Variants in PCIF1 observed in about 807,000 individuals in gnomAD.
PCIF1 encodes phosphorylated CTD interacting factor 1.
In PCIF1, 12 loss-of-function variants were observed where a neutral mutation model predicts 86.9. The observed-to-expected ratio is 0.14, with a 90% CI of 0.09 to 0.22. The LOEUF is 0.22. PCIF1 is among the 10% of genes least tolerant of loss of function. The probability of loss-of-function intolerance (pLI) is 1.00; values close to 1 mark genes in which losing one functional copy is unlikely to be tolerated. For missense variants in PCIF1, 701 were observed against 951.1 expected (o/e 0.74, Z 3.46); for synonymous variants, 397 against 372.0 (o/e 1.07, Z -0.77).
In PCIF1 at chr20:45,946,217, C is replaced by T; in HGVS notation, c.1446C>T (p.Gly482=). 6.2e-7 allele frequency: 1 copy of T among 1,614,214 alleles called. No homozygotes were observed. The highest frequency in any genetic ancestry group is 8.5e-7 in the Non-Finnish European group (1 of 1,180,040). The change falls in exon 14 of 17, where the codon GGC becomes GGT. Residue 482 remains glycine, a synonymous_variant. Transcript: ENST00000372409. ...LRRYQMMFGV[G]LYEGTGLQGS... ...CTCCGCAGATGATGTTCGGCGTGGG[C>T]CTCTACGAGGGGACTGGCCTGCAGG...
In PCIF1 at chr20:45,944,887, G is replaced by A. The variant is rs1038747056; in HGVS notation, c.1025G>A (p.Arg342Gln). The change falls in exon 11 of 17, where the codon CGG (arginine) becomes CAG (glutamine). Residue 342 changes from arginine to glutamine, a missense_variant. Physicochemically the swap from Arg to Gln is conservative, Grantham distance 43. Coordinates refer to ENST00000372409, the MANE Select transcript of PCIF1 (RefSeq NM_022104.4). ...CTCTAGGATCGCCTGGAGCATCTGC[G>A]GAGGCAGTGTGGCCCCCACGTCTCG... Reference protein sequence around the residue: ...EDYMDRLEHLRRQCGPHVSAA... With the variant: ...EDYMDRLEHLQRQCGPHVSAA... The A allele has an allele frequency of 3.7e-6, 6 of 1,613,826 alleles. No individual in the cohort carries two copies. Among genetic ancestry groups the A allele is most frequent in the Non-Finnish European group, 5.1e-6 (6 of 1,179,876 alleles).
intron 1 of PCIF1, among the ~76,000 whole-genome samples, chr20:45,936,558 TCAC>T (rs2083428473): frequency 6.6e-6 from 1 of 151,888 alleles, no homozygotes. Flanking sequence ...TGATCATACT[TCAC>T]TGCAGCCTCG....
Position 45,943,599 on chromosome 20 carries a change from C to T in PCIF1, c.906-67C>T. ...GCTAGGGGTTGATACCCAGCGAGCC[C>T]ATGGAATTGGGATGAGGAGGGTGGA... On this transcript the variant is annotated intron_variant, in intron 9 of 16. Transcript: ENST00000372409. This position sits in a 1 kb window ranked among gnomAD's most constrained non-coding sequence, Gnocchi z 5.5. 1 of 1,464,084 alleles carries T rather than the reference C, an allele frequency of 6.8e-7. No homozygotes were observed. The highest frequency in any genetic ancestry group is 9.3e-7 in the Non-Finnish European group (1 of 1,069,544). 90.7% of individuals were successfully genotyped at this position (1,464,084 alleles called of 1,614,324 possible).
intron 1 of PCIF1, among the ~76,000 whole-genome samples, chr20:45,935,079 C>T (rs1277537502): frequency 1.3e-5 from 2 of 151,672 alleles, no homozygotes; most frequent in African/African-American, 2.4e-5. Flanking sequence ...TCTGAGTCGC[C>T]TCAGCCCGGG....
intron 11 of PCIF1, 151 bp downstream of exon 11, chr20:45,945,181 A>G: frequency 1.0e-6 from 1 of 1,000,348 alleles, no homozygotes; most frequent in Non-Finnish European, 1.4e-6. Flanking sequence ...GGAAACGGAG[A>G]AGTGATAAAG....
At chr20:45,945,628 C>T in intron 11 of PCIF1, 83 bp from the exon 12 acceptor site, 2 of 1,504,274 alleles carry the variant, frequency 1.3e-6, no homozygotes, top group Non-Finnish European at 1.8e-6. Context: ...GGACTTCCCT[C>T]TCTCGGTACA....
At chr20:45,942,863 T>G (rs933475683) in intron 7 of PCIF1, among the ~76,000 whole-genome samples, 1 of 139,722 alleles carries the variant, frequency 7.2e-6, no homozygotes, top group African/African-American at 2.7e-5. Flanking sequence ...TCCTTCCACC[T>G]TAGCCTTCCA....
At chr20:45,939,457 A>G (rs2083451911) in intron 4 of PCIF1, 118 bp downstream of exon 4, 2 of 1,434,276 alleles carry the variant, frequency 1.4e-6, no homozygotes, top group East Asian at 2.3e-5. Context: ...TGCAGATACA[A>G]TGACAAGCAA....
Position 45,947,754 on chromosome 20 carries a change from A to G in PCIF1, c.2114A>G (p.Ter705=). The change falls in exon 17 of 17, where the codon TAA becomes TGA. Residue 705 remains the stop codon, a stop_retained_variant. Transcript: ENST00000372409. This position sits in a 1 kb window ranked among gnomAD's most constrained non-coding sequence, Gnocchi z 5.4. The part of the protein sequence containing the change: ...QGPSREPHPT[*] ...CCTAGCCGCGAGCCTCACCCCACTT[A>G]ACATATCCTGCGGGGAGGAGGAGCC... 1.3e-6 allele frequency: 2 copies of G among 1,597,224 alleles called. No individual in the cohort carries two copies. Among genetic ancestry groups the G allele is most frequent in the Non-Finnish European group, 1.7e-6 (2 of 1,172,428 alleles).
chr20:45,939,452 A>G (rs1465156722), intron 4 of PCIF1, 113 bp downstream of exon 4: 1 of 1,460,376 alleles, frequency 6.8e-7, no homozygotes, highest in Non-Finnish European at 9.3e-7. Context: ...GCACCTGCAG[A>G]TACAATGACA....
intron 11 of PCIF1, 152 bp downstream of exon 11, chr20:45,945,182 A>G (rs2145336944): frequency 1.0e-6 from 1 of 1,004,428 alleles, no homozygotes. Context: ...GAAACGGAGA[A>G]GTGATAAAGG....
At position 45,946,009 on chromosome 20, in the gene PCIF1, C is replaced by G. The variant is rs1420720157; in HGVS notation, c.1342-20C>G. On this transcript the variant is annotated intron_variant, in intron 12 of 16. Coordinates refer to ENST00000372409, the MANE Select transcript of PCIF1 (RefSeq NM_022104.4). Reference sequence around the variant, plus strand: ...GAGGGAGCACTGCTGAAGGCTCCTCCTCTCTGTCCCGCTCCACAGTGGCTC... The same window carrying G: ...GAGGGAGCACTGCTGAAGGCTCCTCGTCTCTGTCCCGCTCCACAGTGGCTC... The G allele has an allele frequency of 6.2e-7, 1 of 1,614,034 alleles. No individual in the cohort carries two copies. Among genetic ancestry groups the G allele is most frequent in the Non-Finnish European group, 8.5e-7 (1 of 1,179,932 alleles).
At chr20:45,937,330 C>G in intron 1 of PCIF1, 88 bp from the exon 2 acceptor site, 1 of 398,610 alleles carries the variant, frequency 2.5e-6, no homozygotes. Context: ...GCCCTGGAGG[C>G]CCCCAACTTG....
In PCIF1 at chr20:45,947,468, G is replaced by A. The variant is rs1345533984; in HGVS notation, c.1883+30G>A. The A allele has an allele frequency of 6.2e-7, 1 of 1,613,246 alleles. No individual in the cohort carries two copies. Among genetic ancestry groups the A allele is most frequent in the Admixed American group, 1.7e-5 (1 of 60,000 alleles). The stretch of plus-strand genomic sequence containing the variant: ...GTGCCAGGGAGGGCAGGGGAAGGAG[G>A]CTGGGCTGGCCAGGCCAGGCCCAGC... On this transcript the variant is annotated intron_variant, in intron 16 of 16. Transcript: ENST00000372409. This position sits in a 1 kb window ranked among gnomAD's most constrained non-coding sequence, Gnocchi z 5.4.
Position 45,935,984 on chromosome 20 carries a change from G to A in PCIF1, c.-188+1180G>A, listed in dbSNP as rs147999497. Among the ~76,000 whole-genome samples, 418 of 152,286 alleles carry A rather than the reference G, an allele frequency of 2.7e-3. 3 individuals carry two copies. The highest frequency in any genetic ancestry group is 9.4e-3 in the African/African-American group (392 of 41,548). ...TCAATATCACAGGATGTTTCTTGGG[G>A]AAAATATTTTTCAATAAAGGCGAAC... On this transcript the variant is annotated intron_variant, in intron 1 of 16. Coordinates refer to ENST00000372409, the MANE Select transcript of PCIF1 (RefSeq NM_022104.4).
chr20:45,946,998 GT>G, intron 14 of PCIF1, 74 bp from the exon 15 acceptor site: 1 of 1,296,762 alleles, frequency 7.7e-7, no homozygotes, highest in Non-Finnish European at 1.1e-6. Flanking sequence ...GCTGCCTAGG[GT>G]TGGGGGGTGG....
In PCIF1 at chr20:45,943,265, A is replaced by T; in HGVS notation, c.821+21A>T. ...ATCAGGTACAGCTCCACAGCTGGGG[A>T]TGACCCTGGGCCATTTGGTTTCTGT... is the stretch of plus-strand genomic sequence containing the variant. On this transcript the variant is annotated intron_variant, in intron 8 of 16. Coordinates refer to ENST00000372409, the MANE Select transcript of PCIF1 (RefSeq NM_022104.4). The surrounding 1 kb of genome is among the most constrained non-coding windows in gnomAD (Gnocchi z 5.5). The T allele has an allele frequency of 6.2e-7, 1 of 1,614,112 alleles. No homozygotes were observed. The highest frequency in any genetic ancestry group is 8.5e-7 in the Non-Finnish European group (1 of 1,180,014).
chr20:45,937,831 G>A, intron 2 of PCIF1: 1 of 359,670 alleles, frequency 2.8e-6, no homozygotes, highest in Admixed American at 4.7e-5. Flanking sequence ...AATTAAGGAA[G>A]ACGTCTATGA....
Position 45,943,079 on chromosome 20 carries a change from A to G in PCIF1, c.674-18A>G, listed in dbSNP as rs763325965. On this transcript the variant is annotated intron_variant, in intron 7 of 16. Transcript: ENST00000372409. The surrounding 1 kb of genome is among the most constrained non-coding windows in gnomAD (Gnocchi z 5.5). ...GCTTGATTAAATCCAGGCCTTCAGC[A>G]GCTCTCCTGTCCTGCAGGCATTGAG... The G allele has an allele frequency of 9.9e-6, 16 of 1,610,922 alleles. No homozygotes were observed. The highest frequency in any genetic ancestry group is 1.2e-5 in the Non-Finnish European group (14 of 1,178,294).
Sources: gnomAD v4.1 joint callset for allele counts (sites outside exome capture counted in the v4.1 genomes callset) on GRCh38, gnomAD v4.1.1 for gene constraint, Gnocchi (gnomAD v3.1) non-coding constraint, MANE v1.5 for transcripts, NCBI Gene and HGNC (gene_info 2026-07-23, HGNC 2026-07-21) for gene names.